RBFOX1: variants seen among roughly 807,000 people sequenced by gnomAD.
The protein encoded by RBFOX1 is RNA binding protein fox-1 homolog 1.
Under a neutral mutation model 57.7 loss-of-function variants are expected in RBFOX1, and 8 were observed. The ratio of observed to expected loss-of-function variants is 0.14; its 90% CI spans 0.08 to 0.25. The LOEUF (loss-of-function observed/expected upper bound fraction) is 0.25, where lower values mean the gene tolerates loss of function less well. RBFOX1 is among the 10% of genes least tolerant of loss of function. The pLI is 1.00. For missense variants in RBFOX1, 611 were observed against 548.5 expected, an observed-to-expected ratio of 1.11 and a Z score of -1.14; for synonymous variants, 326 against 222.4, an observed-to-expected ratio of 1.47 and a Z score of -4.15.
chr16:6,773,937 G>A, intron 3 of RBFOX1: 5 of 985,306 alleles, frequency 5.1e-6, no homozygotes, highest in Non-Finnish European at 6.0e-6. Flanking sequence ...GAGTGTGTTT[G>A]TGTGTGTGCA....
At chr16:5,471,428 C>G (rs1221933797) in intron 2 of RBFOX1, among the ~76,000 whole-genome samples, 1 of 152,146 alleles carries the variant, frequency 6.6e-6, no homozygotes, top group Non-Finnish European at 1.5e-5. Context: ...TCCTTTTTCT[C>G]TCGGAGAGAT....
intron 1 of RBFOX1, among the ~76,000 whole-genome samples, chr16:5,458,244 C>G (rs964552846): frequency 6.6e-6 from 1 of 152,114 alleles, no homozygotes; most frequent in Non-Finnish European, 1.5e-5. Context: ...GGCTTTAGCA[C>G]TGTCAGCCCA....
At chr16:7,561,114 G>A (rs2090236494) in intron 5 of RBFOX1, among the ~76,000 whole-genome samples, 1 of 152,192 alleles carries the variant, frequency 6.6e-6, no homozygotes, top group South Asian at 2.1e-4. Flanking sequence ...TGGTAGCTGA[G>A]TTGAACAGTG....
At chr16:6,992,352 G>C (rs758473656) in intron 3 of RBFOX1, among the ~76,000 whole-genome samples, 17 of 151,884 alleles carry the variant, frequency 1.1e-4, no homozygotes, top group Non-Finnish European at 2.5e-4. Context: ...CCAGTAGCTG[G>C]GACTACAGGT....
chr16:7,260,901 G>T (rs1648637011), intron 4 of RBFOX1, among the ~76,000 whole-genome samples: 1 of 152,112 alleles, frequency 6.6e-6, no homozygotes, highest in Non-Finnish European at 1.5e-5. Context: ...CAGTCACTGG[G>T]GTTGGACCCA....
intron 2 of RBFOX1, among the ~76,000 whole-genome samples, chr16:5,470,150 G>A (rs1442643548): frequency 6.6e-6 from 1 of 152,216 alleles, no homozygotes; most frequent in East Asian, 1.9e-4. Flanking sequence ...GAGGAACAGA[G>A]CCGAGGTCTC....
At chr16:7,324,591 A>T (rs2096587212) in intron 4 of RBFOX1, among the ~76,000 whole-genome samples, 1 of 152,198 alleles carries the variant, frequency 6.6e-6, no homozygotes, top group Non-Finnish European at 1.5e-5. Context: ...CAGGGTTGAT[A>T]TTCTTAGATT....
chr16:5,264,551 T>TA (rs889127234), intron 1 of RBFOX1, among the ~76,000 whole-genome samples: 25 of 152,368 alleles, frequency 1.6e-4, no homozygotes, highest in African/African-American at 4.8e-4. Context: ...TTCTTTATTG[T>TA]AAAAGTGTAT....
At chr16:5,851,446 A>T (rs982014550) in intron 3 of RBFOX1, among the ~76,000 whole-genome samples, 6 of 152,102 alleles carry the variant, frequency 3.9e-5, no homozygotes, top group Admixed American at 1.3e-4. Flanking sequence ...GTGTTTTCCA[A>T]GGCATTCTCT....
chr16:6,074,067 G>C (rs1020600466), intron 1 of RBFOX1, among the ~76,000 whole-genome samples: 5 of 152,066 alleles, frequency 3.3e-5, no homozygotes, highest in African/African-American at 9.7e-5. Flanking sequence ...TCCTGCCTCA[G>C]CCTCCCGAGT....
chr16:6,224,054 G>T (rs1263274670), intron 1 of RBFOX1, among the ~76,000 whole-genome samples: 2 of 151,974 alleles, frequency 1.3e-5, no homozygotes, highest in African/African-American at 4.8e-5. Context: ...CTGTTCCATT[G>T]ATCTATATCT....
intron 3 of RBFOX1, among the ~76,000 whole-genome samples, chr16:6,725,311 A>G (rs1442747962): frequency 6.6e-6 from 1 of 152,014 alleles, no homozygotes; most frequent in Non-Finnish European, 1.5e-5. Context: ...TCGGCCTCCC[A>G]AAGTGCTGGG....
intron 3 of RBFOX1, among the ~76,000 whole-genome samples, chr16:6,908,803 A>G (rs533773594): frequency 7.2e-5 from 11 of 152,224 alleles, no homozygotes; most frequent in South Asian, 2.1e-4. Flanking sequence ...CAGTTACCTC[A>G]TTGATAAATG....
chr16:7,228,227 TTGAA>T (rs58948380), intron 4 of RBFOX1, among the ~76,000 whole-genome samples: 6 of 151,990 alleles, frequency 3.9e-5, no homozygotes, highest in Non-Finnish European at 5.9e-5. Flanking sequence ...TACATATTTG[TTGAA>T]TGAATGAATG....
At chr16:5,538,133 A>G (rs533087562) in intron 2 of RBFOX1, among the ~76,000 whole-genome samples, 1 of 152,212 alleles carries the variant, frequency 6.6e-6, no homozygotes, top group Non-Finnish European at 1.5e-5. Context: ...TTGAGGAGAC[A>G]TCGGTAACTA....
intron 5 of RBFOX1, among the ~76,000 whole-genome samples, chr16:7,532,592 C>G (rs895078329): frequency 2.3e-4 from 35 of 152,310 alleles, no homozygotes; most frequent in African/African-American, 8.2e-4. Flanking sequence ...AGCCCCTTAG[C>G]AGCTCTTCCT....
At chr16:6,008,089 C>T (rs1202958371) in intron 4 of RBFOX1, among the ~76,000 whole-genome samples, 1 of 152,232 alleles carries the variant, frequency 6.6e-6, no homozygotes, top group African/African-American at 2.4e-5. Context: ...CCTGTAGTCC[C>T]AGCTACTCAG....
chr16:5,564,977 A>G (rs982170587), intron 2 of RBFOX1, among the ~76,000 whole-genome samples: 2 of 152,122 alleles, frequency 1.3e-5, no homozygotes, highest in African/African-American at 2.4e-5. Context: ...TTCCTACTGG[A>G]TGAGGGATGG....
At chr16:6,469,485 C>T (rs970605965) in intron 2 of RBFOX1, among the ~76,000 whole-genome samples, 2 of 152,118 alleles carry the variant, frequency 1.3e-5, no homozygotes, top group Non-Finnish European at 2.9e-5. Flanking sequence ...TTAAGGGCCA[C>T]GTGCACTATG....
Sources: allele counts gnomAD v4.1 joint callset (sites outside exome capture counted in the v4.1 genomes callset), GRCh38; gene constraint gnomAD v4.1.1; transcripts MANE v1.5; gene names NCBI Gene and HGNC (gene_info 2026-07-23, HGNC 2026-07-21).